Variants in FARP1 observed in about 807,000 individuals in gnomAD.
FARP1 encodes the protein FERM, ARH/RhoGEF and pleckstrin domain protein 1, also known as FERM, ARHGEF and pleckstrin domain-containing protein 1.
A neutral mutation model predicts 128.8 loss-of-function variants in FARP1; 52 were observed. The observed-to-expected ratio is 0.40, with a 90% CI of 0.32 to 0.51. The LOEUF (loss-of-function observed/expected upper bound fraction) is 0.51. Among genes scored for constraint, FARP1 ranks in the 20% least tolerant of loss-of-function variants. FARP1 has a pLI of 0.45. For synonymous variants in FARP1, 580 were observed against 551.8 expected (o/e 1.05, Z -0.72); for missense variants, 1,333 against 1,367.9 (o/e 0.97, Z 0.40).
chr13:98,278,331 ATG>A (rs1325382940), intron 2 of FARP1, among the ~76,000 whole-genome samples: 12 of 151,756 alleles, frequency 7.9e-5, no homozygotes, highest in East Asian at 5.8e-4. Context: ...GTGTGTGTAT[ATG>A]TGTGTGAGTG....
intron 2 of FARP1, among the ~76,000 whole-genome samples, chr13:98,260,633 C>G (rs1038065549): frequency 9.9e-5 from 15 of 152,228 alleles, no homozygotes; most frequent in Admixed American, 3.3e-4. Context: ...ACTCTTCACT[C>G]TACTTGCTTT....
chr13:98,352,758 G>A (rs190713051), intron 3 of FARP1, among the ~76,000 whole-genome samples: 24 of 152,328 alleles, frequency 1.6e-4, no homozygotes, highest in Admixed American at 1.5e-3. Context: ...CTGCCAAATT[G>A]TAGAAACTAC....
Position 98,227,615 on chromosome 13 carries a change from C to T in FARP1, c.171+14202C>T, listed in dbSNP as rs182235373. 1.8e-4 allele frequency among the ~76,000 whole-genome samples: 27 copies of T among 152,284 alleles called. No individual in the cohort carries two copies. The East Asian group carries it at 4.2e-3, about 24-fold the overall frequency. On this transcript the variant is annotated intron_variant, in intron 2 of 26. Coordinates refer to ENST00000319562, the MANE Select transcript of FARP1 (RefSeq NM_005766.4). ...AGTTGCTGTATGATCCAGCAATCCT[C>T]CTTTGGGGGCATGCCCAGATTGAAA...
At chr13:98,441,382 G>A (rs988305704) in intron 24 of FARP1, among the ~76,000 whole-genome samples, 1 of 152,248 alleles carries the variant, frequency 6.6e-6, no homozygotes, top group African/African-American at 2.4e-5. Context: ...TGACATGGGA[G>A]CCTTCAGAAT....
Position 98,251,401 on chromosome 13 carries a change from G to A in FARP1, c.171+37988G>A, listed in dbSNP as rs1594322327. 2.6e-5 allele frequency among the ~76,000 whole-genome samples: 4 copies of A among 152,318 alleles called. No homozygotes were observed. The East Asian group carries it at 7.7e-4, about 29-fold the overall frequency. ...GCTTAATAGAAAGTCCCCACTGGGG[G>A]CCGGGCATGGTATTCTTACGCCTGT... On this transcript the variant is annotated intron_variant, in intron 2 of 26. Transcript: ENST00000319562.
At chr13:98,231,724 G>C (rs142304087) in intron 2 of FARP1, among the ~76,000 whole-genome samples, 5 of 152,070 alleles carry the variant, frequency 3.3e-5, no homozygotes, top group Non-Finnish European at 7.4e-5. Flanking sequence ...CACCACACCC[G>C]GCCTCATTTC....
At chr13:98,441,125 TG>T (rs1052879186) in intron 24 of FARP1, among the ~76,000 whole-genome samples, 9 of 152,356 alleles carry the variant, frequency 5.9e-5, no homozygotes, top group Admixed American at 1.3e-4. Context: ...TTTCTTCGCC[TG>T]TTTTCTTGCC....
chr13:98,153,689 G>A (rs1876296693), intron 1 of FARP1, among the ~76,000 whole-genome samples: 1 of 150,286 alleles, frequency 6.7e-6, no homozygotes, highest in African/African-American at 2.4e-5. Context: ...TCAGCCTCTC[G>A]AGTAGCTGGG....
At chr13:98,282,700 C>G (rs1267649537) in intron 2 of FARP1, among the ~76,000 whole-genome samples, 1 of 152,042 alleles carries the variant, frequency 6.6e-6, no homozygotes, top group African/African-American at 2.4e-5. Flanking sequence ...GTCAAAAGAT[C>G]GAGACCATCC....
intron 2 of FARP1, among the ~76,000 whole-genome samples, chr13:98,339,448 T>C (rs146636880): frequency 1.5e-3 from 224 of 152,230 alleles, no homozygotes; most frequent in African/African-American, 5.0e-3. Context: ...TCCCCCAACA[T>C]TGGGAGTTAC....
At chr13:98,371,616 A>T (rs1889335685) in intron 5 of FARP1, among the ~76,000 whole-genome samples, 2 of 151,918 alleles carry the variant, frequency 1.3e-5, no homozygotes, top group African/African-American at 2.4e-5. Flanking sequence ...AGAGAACCTC[A>T]TGGGGCCGAT....
At position 98,295,094 on chromosome 13, in the gene FARP1, CACACACACACATATAT is replaced by C. The variant is rs1453961052; in HGVS notation, c.172-48667_172-48652del. Among the ~76,000 whole-genome samples, 9 of 40,468 alleles carry C rather than the reference CACACACACACATATAT, an allele frequency of 2.2e-4. 1 individual carries two copies. Among genetic ancestry groups the C allele is most frequent in the East Asian group, 1.2e-3 (2 of 1,630 alleles). The allele number at this position is 40,468 out of a possible 152,430, so 26.5% of individuals were successfully genotyped here. A position where few individuals can be genotyped will look rare whatever the true frequency, so the allele number is the denominator to read the frequency against. ...ACACACACACACACACACACACACA[CACACACACACATATAT>C]CCCCAGGCATTATTTATTTATTTAT... On this transcript the variant is annotated intron_variant, in intron 2 of 26. Transcript: ENST00000319562.
intron 2 of FARP1, among the ~76,000 whole-genome samples, chr13:98,275,753 T>C (rs189146803): frequency 5.3e-5 from 8 of 152,088 alleles, no homozygotes; most frequent in African/African-American, 1.9e-4. Flanking sequence ...ATTTCAGGCA[T>C]GAGAAGAGAA....
At chr13:98,319,516 C>A (rs777895005) in intron 2 of FARP1, among the ~76,000 whole-genome samples, 1 of 151,964 alleles carries the variant, frequency 6.6e-6, no homozygotes, top group South Asian at 2.1e-4. Context: ...GCTACTCTGG[C>A]GGCTGAGGCA....
intron 3 of FARP1, among the ~76,000 whole-genome samples, chr13:98,356,354 A>G (rs1227723477): frequency 4.6e-5 from 7 of 152,110 alleles, no homozygotes; most frequent in Admixed American, 3.3e-4. Flanking sequence ...ACTGAATACA[A>G]TAGGCAATTA....
At chr13:98,369,809 G>T (rs1393203398) in intron 5 of FARP1, among the ~76,000 whole-genome samples, 1 of 152,126 alleles carries the variant, frequency 6.6e-6, no homozygotes, top group East Asian at 1.9e-4. Context: ...TGTCATACAT[G>T]GTGTTCAAGC....
At chr13:98,399,609 A>G (rs1229825501) in intron 13 of FARP1, 2 of 152,330 alleles carry the variant, frequency 1.3e-5, no homozygotes, top group South Asian at 4.1e-4. Flanking sequence ...CTCTCAACCA[A>G]TCTTTCTAGG....
intron 2 of FARP1, among the ~76,000 whole-genome samples, chr13:98,226,786 T>C (rs1461668931): frequency 6.6e-6 from 1 of 152,168 alleles, no homozygotes; most frequent in Non-Finnish European, 1.5e-5. Context: ...TCAAGTGAAC[T>C]GTAAGAGCGA....
intron 2 of FARP1, among the ~76,000 whole-genome samples, chr13:98,288,475 G>A (rs966925689): frequency 2.0e-5 from 3 of 152,124 alleles, no homozygotes; most frequent in Admixed American, 6.5e-5. Flanking sequence ...TTACTTCCTT[G>A]GAGTCTTTCC....
Sources: allele counts gnomAD v4.1 joint callset (sites outside exome capture counted in the v4.1 genomes callset), GRCh38; gene constraint gnomAD v4.1.1; transcripts MANE v1.5; gene names NCBI Gene and HGNC (gene_info 2026-07-23, HGNC 2026-07-21).